The following SPIDR variants were observed in gnomAD, a reference collection of about 807,000 sequenced individuals.
SPIDR encodes the protein scaffold protein involved in DNA repair, also known as DNA repair-scaffolding protein.
SPIDR carries 93 observed loss-of-function variants against 104.6 expected under a neutral mutation model. That is an observed-to-expected ratio of 0.89 (90% CI 0.75 to 1.06). SPIDR has a LOEUF of 1.06. Among genes scored for constraint, SPIDR ranks in the 50% least tolerant of loss-of-function variants. The pLI is 0.00. For missense variants in SPIDR, 1,154 were observed against 1,111.2 expected (o/e 1.04, Z -0.55); for synonymous variants, 431 against 416.9 (o/e 1.03, Z -0.41).
intron 8 of SPIDR, among the ~76,000 whole-genome samples, chr8:47,523,320 C>T (rs1390662279): frequency 6.6e-6 from 1 of 152,062 alleles, no homozygotes; most frequent in East Asian, 1.9e-4. Flanking sequence ...GGATATTACC[C>T]AAAGGTCATT....
intron 1 of SPIDR, among the ~76,000 whole-genome samples, chr8:47,270,051 T>C (rs1412840028): frequency 2.0e-5 from 3 of 152,186 alleles, no homozygotes; most frequent in Non-Finnish European, 2.9e-5. Flanking sequence ...CTGGATTCAG[T>C]TTGCTAGTAT....
At chr8:47,417,601 T>G (rs1272528703) in intron 7 of SPIDR, among the ~76,000 whole-genome samples, 2 of 152,218 alleles carry the variant, frequency 1.3e-5, no homozygotes, top group African/African-American at 4.8e-5. Flanking sequence ...GTAGTTTCTT[T>G]TGCTCTGCAG....
At chr8:47,268,058 C>T (rs2034465827) in intron 1 of SPIDR, among the ~76,000 whole-genome samples, 2 of 152,184 alleles carry the variant, frequency 1.3e-5, no homozygotes, top group South Asian at 2.1e-4. Flanking sequence ...ATGTGGATAC[C>T]CAGTTGTTTC....
chr8:47,405,182 C>G (rs2154320111), intron 6 of SPIDR, among the ~76,000 whole-genome samples: 1 of 151,846 alleles, frequency 6.6e-6, no homozygotes, highest in South Asian at 2.1e-4. Context: ...GGAAGGGGAA[C>G]ATCACACACC....
At chr8:47,675,173 A>C (rs1330687833) in intron 11 of SPIDR, among the ~76,000 whole-genome samples, 1 of 152,172 alleles carries the variant, frequency 6.6e-6, no homozygotes, top group African/African-American at 2.4e-5. Context: ...AGTAGCTGGA[A>C]TTACAGGCAT....
At chr8:47,433,381 A>ACCCTGGTT (rs1554690354) in intron 7 of SPIDR, among the ~76,000 whole-genome samples, 1 of 152,100 alleles carries the variant, frequency 6.6e-6, no homozygotes, top group African/African-American at 2.4e-5. Context: ...CAGAGGAAAC[A>ACCCTGGTT]CCCTGGTTCA....
At chr8:47,688,725 G>T (rs748185701) in intron 11 of SPIDR, among the ~76,000 whole-genome samples, 2 of 152,242 alleles carry the variant, frequency 1.3e-5, no homozygotes, top group African/African-American at 4.8e-5. Context: ...GGGGTGGGGT[G>T]TTCCTCACCT....
At chr8:47,288,101 TC>T (rs1457220867) in intron 3 of SPIDR, among the ~76,000 whole-genome samples, 19 of 152,348 alleles carry the variant, frequency 1.2e-4, no homozygotes, top group Admixed American at 1.2e-3. Context: ...GTCCCTGACT[TC>T]CTGCAACACT....
intron 8 of SPIDR, among the ~76,000 whole-genome samples, chr8:47,556,222 A>T (rs1005566895): frequency 2.6e-5 from 4 of 152,148 alleles, no homozygotes; most frequent in Admixed American, 2.6e-4. Flanking sequence ...TAGCTGGCTG[A>T]TCTTAGATGG....
chr8:47,483,816 ATG>A (rs2077193924), intron 8 of SPIDR, among the ~76,000 whole-genome samples: 1 of 152,084 alleles, frequency 6.6e-6, no homozygotes, highest in Non-Finnish European at 1.5e-5. Context: ...CCTCTGTGGT[ATG>A]TGTCATTGGA....
At chr8:47,713,154 A>G in intron 15 of SPIDR, 1 of 721,672 alleles carries the variant, frequency 1.4e-6, no homozygotes, top group South Asian at 3.1e-5. Context: ...AAGCTAGAAT[A>G]TTATAAATGC....
intron 8 of SPIDR, among the ~76,000 whole-genome samples, chr8:47,502,287 G>C (rs916710427): frequency 2.6e-5 from 4 of 152,140 alleles, no homozygotes; most frequent in African/African-American, 4.8e-5. Context: ...TTTTTGGTTG[G>C]TAAGCTATTA....
chr8:47,363,249 A>G (rs2056475027), intron 5 of SPIDR, among the ~76,000 whole-genome samples: 1 of 113,032 alleles, frequency 8.8e-6, no homozygotes, highest in Non-Finnish European at 1.6e-5. Context: ...TCTGTCACCC[A>G]GGCTGGAGTG....
chr8:47,404,825 C>T (rs1305856665), intron 6 of SPIDR, among the ~76,000 whole-genome samples: 2 of 152,154 alleles, frequency 1.3e-5, no homozygotes, highest in Non-Finnish European at 2.9e-5. Context: ...ACTAGAAATA[C>T]CATTTGACCC....
At chr8:47,299,852 C>T (rs2041704497) in intron 5 of SPIDR, among the ~76,000 whole-genome samples, 1 of 152,134 alleles carries the variant, frequency 6.6e-6, no homozygotes, top group African/African-American at 2.4e-5. Context: ...ATTCGGTGTG[C>T]CAGTGTTTTA....
intron 10 of SPIDR, among the ~76,000 whole-genome samples, chr8:47,629,467 A>G (rs2066716246): frequency 6.6e-6 from 1 of 152,214 alleles, no homozygotes. Context: ...CTTTAGGTAC[A>G]AAGGGCCAGG....
rs2086220434 is a variant in SPIDR, at chr8:47,736,214, T to C, written c.*764T>C. 2 of 152,572 alleles carry C rather than the reference T, an allele frequency of 1.3e-5. No individual in the cohort carries two copies. The highest frequency in any genetic ancestry group is 6.5e-5 in the Admixed American group (1 of 15,330). The allele number at this position is 152,572 out of a possible 1,614,324, so 9.5% of individuals were successfully genotyped here. A position where few individuals can be genotyped will look rare whatever the true frequency, so the allele number is the denominator to read the frequency against. On this transcript the variant is annotated 3_prime_UTR_variant, in exon 20 of 20. Coordinates refer to ENST00000297423, the MANE Select transcript of SPIDR (RefSeq NM_001080394.4). ...TTTTGTTCCCTTCCTTATAGCAATA[T>C]AATCATGACAGGCCATGGTTAACTA...
chr8:47,728,664 ACCTCC>A (rs1417406608), intron 17 of SPIDR: 1 of 321,834 alleles, frequency 3.1e-6, no homozygotes, highest in Non-Finnish European at 5.7e-6. Context: ...CCAGGCCCTG[ACCTCC>A]CTTCCTGGGA....
chr8:47,535,495 A>G lies in SPIDR; in HGVS notation c.1098-60316A>G, dbSNP rs574227039. Among the ~76,000 whole-genome samples the G allele has an allele frequency of 9.2e-5, 14 of 152,346 alleles. No individual in the cohort carries two copies. In the South Asian group the frequency reaches 2.7e-3, roughly 29 times the overall value. ...ATCAGTGCCTCTCATGAATGTAGAT[A>G]CATAAATAGTTAACAACATGTTGAC... On this transcript the variant is annotated intron_variant, in intron 8 of 19. Transcript: ENST00000297423.
Sources: allele counts gnomAD v4.1 joint callset (sites outside exome capture counted in the v4.1 genomes callset), GRCh38; gene constraint gnomAD v4.1.1; transcripts MANE v1.5; gene names NCBI Gene and HGNC (gene_info 2026-07-23, HGNC 2026-07-21).